DRC11: variants seen among roughly 807,000 people sequenced by gnomAD.
DRC11 encodes the protein IQ and AAA domain-containing protein 1.
the DRC11 span, among the ~76,000 whole-genome samples, chr2:236,475,297 G>T: frequency 6.6e-6 from 1 of 152,180 alleles, no homozygotes; most frequent in African/African-American, 2.4e-5. The surrounding 1 kb of genome is among the most constrained non-coding windows in gnomAD (Gnocchi z 4.8). Context: ...GTCTGCAAAT[G>T]ACAGGATTTC....
At chr2:236,367,935 C>T in the DRC11 span, 2 of 498,608 alleles carry the variant, frequency 4.0e-6, no homozygotes, top group East Asian at 7.6e-5. This position sits in a 1 kb window ranked among gnomAD's most constrained non-coding sequence, Gnocchi z 4.8. Flanking sequence ...CCTATTATCT[C>T]CCCAGCTCAT....
chr2:236,425,813 T>C, the DRC11 span, among the ~76,000 whole-genome samples: 9 of 152,192 alleles, frequency 5.9e-5, no homozygotes, highest in African/African-American at 1.9e-4. Context: ...TTTGTGTATA[T>C]GGTGTGAGAT....
chr2:236,358,276 G>GAT, the DRC11 span, among the ~76,000 whole-genome samples: 27 of 126,466 alleles, frequency 2.1e-4, no homozygotes, highest in African/African-American at 7.7e-4. Context: ...ATAATATATA[G>GAT]ATATATATAC....
the DRC11 span, among the ~76,000 whole-genome samples, chr2:236,469,121 T>C: frequency 6.6e-6 from 1 of 152,242 alleles, no homozygotes; most frequent in Non-Finnish European, 1.5e-5. This position sits in a 1 kb window ranked among gnomAD's most constrained non-coding sequence, Gnocchi z 5.8. Context: ...ATTTTCCTGA[T>C]AGCCCCTTGG....
chr2:236,496,990 C>A, the DRC11 span, among the ~76,000 whole-genome samples: 3 of 152,126 alleles, frequency 2.0e-5, no homozygotes, highest in South Asian at 6.2e-4. This position sits in a 1 kb window ranked among gnomAD's most constrained non-coding sequence, Gnocchi z 6.3. Flanking sequence ...AGAAAGGGAG[C>A]CCAATCCTTG....
chr2:236,403,368 T>C, the DRC11 span, among the ~76,000 whole-genome samples: 4 of 151,286 alleles, frequency 2.6e-5, no homozygotes, highest in African/African-American at 4.9e-5. Flanking sequence ...GGGACAGAGA[T>C]GGAGACACAG....
the DRC11 span, among the ~76,000 whole-genome samples, chr2:236,498,693 G>C: frequency 6.6e-6 from 1 of 152,152 alleles, no homozygotes; most frequent in Non-Finnish European, 1.5e-5. Context: ...TGGCTCTGCT[G>C]TGGCTGGCCC....
chr2:236,430,904 G>T, the DRC11 span, among the ~76,000 whole-genome samples: 7 of 149,304 alleles, frequency 4.7e-5, no homozygotes, highest in South Asian at 1.7e-3. This position sits in a 1 kb window ranked among gnomAD's most constrained non-coding sequence, Gnocchi z 6.0. Flanking sequence ...AATTTATTTT[G>T]CTCCTGCTCA....
At chr2:236,442,883 C>A in the DRC11 span, among the ~76,000 whole-genome samples, 3 of 152,128 alleles carry the variant, frequency 2.0e-5, no homozygotes, top group Non-Finnish European at 4.4e-5. Flanking sequence ...TCATCTGATT[C>A]ACTTTTGAGG....
the DRC11 span, among the ~76,000 whole-genome samples, chr2:236,485,166 C>A: frequency 2.6e-5 from 4 of 152,194 alleles, no homozygotes; most frequent in South Asian, 8.3e-4. Flanking sequence ...TTGTTCATGA[C>A]ATCACCTAAT....
chr2:236,491,013 ATG>A, the DRC11 span, among the ~76,000 whole-genome samples: 3 of 132,834 alleles, frequency 2.3e-5, no homozygotes, highest in East Asian at 6.0e-4. Flanking sequence ...GTGTGTATAT[ATG>A]TGTATATATA....
the DRC11 span, among the ~76,000 whole-genome samples, chr2:236,326,937 C>A: frequency 6.6e-6 from 1 of 151,876 alleles, no homozygotes; most frequent in Non-Finnish European, 1.5e-5. Context: ...TCAGGCTGGT[C>A]TCGAACTCCT....
the DRC11 span, among the ~76,000 whole-genome samples, chr2:236,315,493 C>G: frequency 6.6e-6 from 1 of 152,150 alleles, no homozygotes; most frequent in Non-Finnish European, 1.5e-5. The surrounding 1 kb of genome is among the most constrained non-coding windows in gnomAD (Gnocchi z 5.1). Flanking sequence ...CCCAGCAATC[C>G]CGTTACTAGG....
At chr2:236,348,785 A>T in the DRC11 span, among the ~76,000 whole-genome samples, 3 of 152,154 alleles carry the variant, frequency 2.0e-5, no homozygotes, top group African/African-American at 7.2e-5. The surrounding 1 kb of genome is among the most constrained non-coding windows in gnomAD (Gnocchi z 7.4). Context: ...ACAGATGTCT[A>T]CTATGCACTG....
chr2:236,411,529 A>T, the DRC11 span, among the ~76,000 whole-genome samples: 6 of 151,132 alleles, frequency 4.0e-5, no homozygotes, highest in Non-Finnish European at 8.8e-5. Flanking sequence ...CATTTGACCC[A>T]GCCATCCCAT....
At chr2:236,465,769 A>G in the DRC11 span, 1 of 1,063,094 alleles carries the variant, frequency 9.4e-7, no homozygotes, top group Non-Finnish European at 1.4e-6. This position sits in a 1 kb window ranked among gnomAD's most constrained non-coding sequence, Gnocchi z 6.2. Flanking sequence ...GTTGGTAAAA[A>G]TATCAGAAAC....
At chr2:236,317,276 C>T in the DRC11 span, among the ~76,000 whole-genome samples, 1 of 149,788 alleles carries the variant, frequency 6.7e-6, no homozygotes, top group Non-Finnish European at 1.5e-5. The surrounding 1 kb of genome is among the most constrained non-coding windows in gnomAD (Gnocchi z 5.4). Flanking sequence ...TGCCTGGCGA[C>T]AGAGTGAGAT....
At chr2:236,497,319 G>C in the DRC11 span, 1 of 1,613,880 alleles carries the variant, frequency 6.2e-7, no homozygotes, top group Non-Finnish European at 8.5e-7. The surrounding 1 kb of genome is among the most constrained non-coding windows in gnomAD (Gnocchi z 5.1). Context: ...CGAACTGGTC[G>C]TAGACATTCT....
chr2:236,436,193 C>G, the DRC11 span, among the ~76,000 whole-genome samples: 1 of 152,170 alleles, frequency 6.6e-6, no homozygotes, highest in Admixed American at 6.5e-5. Context: ...TGTTTATATT[C>G]TTTGCTTTTT....
Sources: allele counts gnomAD v4.1 joint callset (sites outside exome capture counted in the v4.1 genomes callset), GRCh38; gene constraint gnomAD v4.1.1; non-coding constraint Gnocchi (gnomAD v3.1); transcripts MANE v1.5; gene names NCBI Gene and HGNC (gene_info 2026-07-23, HGNC 2026-07-21).